NSL1: variants seen among roughly 807,000 people sequenced by gnomAD.
NSL1 encodes kinetochore-associated protein NSL1 homolog.
In NSL1, 11 loss-of-function variants were observed where a neutral mutation model predicts 25.4. The observed-to-expected ratio is 0.43, with a 90% CI of 0.27 to 0.72. NSL1 has a LOEUF of 0.72. Among genes scored for constraint, NSL1 ranks in the 30% least tolerant of loss-of-function variants. NSL1 has a pLI of 0.19. For missense variants in NSL1, 330 were observed against 342.7 expected, an observed-to-expected ratio of 0.96 and a Z score of 0.29; for synonymous variants, 118 against 120.6, an observed-to-expected ratio of 0.98 and a Z score of 0.14.
At chr1:212,766,531 G>C (rs1209994327) in intron 4 of NSL1, among the ~76,000 whole-genome samples, 1 of 151,676 alleles carries the variant, frequency 6.6e-6, no homozygotes, top group South Asian at 2.1e-4. Flanking sequence ...TGTAGTCCCA[G>C]CTCCTTGGGA....
At chr1:212,774,213 C>G (rs1031546830) in intron 4 of NSL1, among the ~76,000 whole-genome samples, 1 of 152,060 alleles carries the variant, frequency 6.6e-6, no homozygotes, top group African/African-American at 2.4e-5. Context: ...AATAATATGT[C>G]ATATATTTCA....
chr1:212,769,739 A>G (rs534759325), intron 4 of NSL1, among the ~76,000 whole-genome samples: 2 of 152,274 alleles, frequency 1.3e-5, no homozygotes, highest in African/African-American at 4.8e-5. Context: ...AAATGTTACC[A>G]CTACAGAAAA....
chr1:212,739,052 T>C (rs1658373562), intron 5 of NSL1, among the ~76,000 whole-genome samples: 1 of 152,186 alleles, frequency 6.6e-6, no homozygotes, highest in East Asian at 1.9e-4. Flanking sequence ...TGTAAGCCAC[T>C]GTGCCCTTGC....
chr1:212,739,605 CA>C lies in NSL1; in HGVS notation c.500-5del. 6.2e-7 allele frequency: 1 copy of C among 1,612,820 alleles called. No homozygotes were observed. The highest frequency in any genetic ancestry group is 1.1e-5 in the South Asian group (1 of 90,942). ...TTCAAATTTTCCATATGAGGGGCTG[CA>C]AAAACATTGCCAAACAGTATTTTAG... On this transcript the variant is annotated splice_polypyrimidine_tract_variant and splice_region_variant and intron_variant, in intron 4 of 5. Coordinates refer to ENST00000366977, the MANE Select transcript of NSL1 (RefSeq NM_015471.4).
At chr1:212,745,783 C>T (rs1019141820) in intron 4 of NSL1, among the ~76,000 whole-genome samples, 11 of 151,108 alleles carry the variant, frequency 7.3e-5, no homozygotes, top group South Asian at 4.2e-4. Context: ...GACAACATGG[C>T]GAAACCCCAT....
rs1571859955 is a variant in NSL1 at position 212,735,994 on chromosome 1, A to G, written c.*2414T>C. On this transcript the variant is annotated 3_prime_UTR_variant, in exon 6 of 6. Coordinates refer to ENST00000366977, the MANE Select transcript of NSL1 (RefSeq NM_015471.4). ...TACCAGTTTTCAGAAACCAGCTTTG[A>G]CAGTGTTCTCTCTTCTTTGGGACTA... 3.0e-6 allele frequency: 3 copies of G among 985,404 alleles called. No homozygotes were observed. Among genetic ancestry groups the G allele is most frequent in the South Asian group, 9.4e-5 (2 of 21,278 alleles). 61.0% of individuals were successfully genotyped at this position (985,404 alleles called of 1,614,324 possible).
chr1:212,771,216 A>T (rs1002445740), intron 4 of NSL1, among the ~76,000 whole-genome samples: 2 of 152,150 alleles, frequency 1.3e-5, no homozygotes, highest in African/African-American at 4.8e-5. Context: ...CAGGAGACTG[A>T]GGCAGGAGAA....
chr1:212,748,836 A>T (rs1558043854), intron 4 of NSL1, among the ~76,000 whole-genome samples: 1 of 152,140 alleles, frequency 6.6e-6, no homozygotes, highest in Non-Finnish European at 1.5e-5. Context: ...TTTTTCTTCA[A>T]CCTCAATATA....
intron 4 of NSL1, among the ~76,000 whole-genome samples, chr1:212,771,565 T>C (rs924205264): frequency 7.1e-6 from 1 of 141,800 alleles, no homozygotes; most frequent in Non-Finnish European, 1.5e-5. Context: ...CTGTCCATCT[T>C]TGCAGATGAC....
At position 212,736,440 on chromosome 1, in the gene NSL1, G is replaced by A. The variant is rs895554615; in HGVS notation, c.*1968C>T. On this transcript the variant is annotated 3_prime_UTR_variant, in exon 6 of 6. Transcript: ENST00000366977. The stretch of plus-strand genomic sequence containing the variant: ...ACCTTTCCAATTCCTTAAAACTACA[G>A]ACTTTCTTGCTTTTAATCCTTAGCT... 7.7e-5 allele frequency: 76 copies of A among 985,024 alleles called. No homozygotes were observed. The highest frequency in any genetic ancestry group is 9.0e-5 in the Non-Finnish European group (75 of 829,716). The allele number at this position is 985,024 out of a possible 1,614,324, so 61.0% of individuals were successfully genotyped here.
In NSL1 at chr1:212,738,689, TCAAA is replaced by T. The variant is rs748463408; in HGVS notation, c.568-7_568-4del. 1.1e-5 allele frequency: 18 copies of T among 1,609,720 alleles called. No homozygotes were observed. In the Admixed American group the frequency reaches 2.0e-4, roughly 18 times the overall value. On this transcript the variant is annotated splice_polypyrimidine_tract_variant and splice_region_variant and intron_variant, in intron 5 of 5. Transcript: ENST00000366977. Reference sequence around the variant, plus strand: ...TGTTCAATTAATGCAGGCAAGGACTTCAAACAAACAAACAGTAATATTCAACATT... The same window carrying T: ...TGTTCAATTAATGCAGGCAAGGACTTCAAACAAACAGTAATATTCAACATT...
chr1:212,773,062 A>C (rs1017702869), intron 4 of NSL1, among the ~76,000 whole-genome samples: 1 of 152,242 alleles, frequency 6.6e-6, no homozygotes, highest in Admixed American at 6.5e-5. Context: ...TTAATGACTT[A>C]AACATAATAC....
At chr1:212,776,725 AC>A (rs1419803226) in intron 4 of NSL1, among the ~76,000 whole-genome samples, 1 of 149,248 alleles carries the variant, frequency 6.7e-6, no homozygotes, top group Non-Finnish European at 1.5e-5. Flanking sequence ...AAACAAAACA[AC>A]AACAACAACA....
At chr1:212,759,526 A>AGT (rs1558049764) in intron 4 of NSL1, among the ~76,000 whole-genome samples, 1 of 152,144 alleles carries the variant, frequency 6.6e-6, no homozygotes, top group Non-Finnish European at 1.5e-5. Context: ...CCCTAAGACT[A>AGT]GTATAGGGAG....
chr1:212,789,765 G>A (rs1276602964), intron 1 of NSL1, among the ~76,000 whole-genome samples: 1 of 152,072 alleles, frequency 6.6e-6, no homozygotes, highest in African/African-American at 2.4e-5. Flanking sequence ...CACTAAATAG[G>A]ATATAATAGG....
intron 4 of NSL1, among the ~76,000 whole-genome samples, chr1:212,763,581 G>C (rs111995312): frequency 0.02 from 3,041 of 152,170 alleles, 115 homozygotes; most frequent in African/African-American, 0.07. Context: ...AAGGTAAAGG[G>C]GTGGAAAAAG....
In NSL1 at chr1:212,791,550, C is replaced by G; in HGVS notation, c.214G>C (p.Ala72Pro). The G allele has an allele frequency of 2.5e-6, 4 of 1,613,620 alleles. No homozygotes were observed. Among genetic ancestry groups the G allele is most frequent in the Non-Finnish European group, 3.4e-6 (4 of 1,179,946 alleles). ...CGTACCCACTGCGCATCTCGCAGAG[C>G]GGGCTCCCGAATCTCCTCCGGCAGA... ...DALPEEIREP[A>P]LRDAQWTFES... Residue 72 changes from alanine to proline, a missense_variant, in exon 1 of 6, where the codon GCT (alanine) becomes CCT (proline). Ala to Pro is a conservative substitution (Grantham distance 27). Transcript: ENST00000366977.
At chr1:212,783,769 C>T (rs1248956298) in intron 3 of NSL1, among the ~76,000 whole-genome samples, 3 of 152,054 alleles carry the variant, frequency 2.0e-5, no homozygotes, top group Non-Finnish European at 2.9e-5. Context: ...TATGGTTGGT[C>T]ATTGATATCT....
intron 4 of NSL1, among the ~76,000 whole-genome samples, chr1:212,777,371 C>CA (rs1021193682): frequency 0.03 from 3,944 of 131,582 alleles, 159 homozygotes; most frequent in African/African-American, 0.1. Context: ...CAGCCTGCCT[C>CA]AAAAAAAAAA....
Sources: gnomAD v4.1 joint callset for allele counts (sites outside exome capture counted in the v4.1 genomes callset) on GRCh38, gnomAD v4.1.1 for gene constraint, MANE v1.5 for transcripts, NCBI Gene and HGNC (gene_info 2026-07-23, HGNC 2026-07-21) for gene names.